Variants in SLC38A6 observed in about 807,000 individuals in gnomAD.
The protein encoded by SLC38A6 is N system amino acid transporter NAT-1.
Under a neutral mutation model 65.0 loss-of-function variants are expected in SLC38A6, and 73 were observed. The observed-to-expected ratio is 1.12, with a 90% CI of 0.93 to 1.37. SLC38A6 has a LOEUF of 1.37. Ranked by LOEUF, SLC38A6 falls within the 40% of genes most tolerant of loss-of-function variation. The pLI is 0.00. For synonymous variants in SLC38A6, 183 were observed against 178.8 expected (o/e 1.02, Z -0.19); for missense variants, 561 against 531.1 (o/e 1.06, Z -0.55).
intron 15 of SLC38A6, among the ~76,000 whole-genome samples, chr14:61,077,130 A>G (rs1049709450): frequency 1.1e-4 from 16 of 152,194 alleles, no homozygotes; most frequent in African/African-American, 3.1e-4. Context: ...TGCCACTTTC[A>G]ATATAAAAAA....
chr14:61,050,074 A>G (rs1332785370), intron 12 of SLC38A6, among the ~76,000 whole-genome samples: 2 of 152,196 alleles, frequency 1.3e-5, no homozygotes, highest in Non-Finnish European at 2.9e-5. Context: ...ACCAAAAAGA[A>G]GTAGGTGTAT....
intron 3 of SLC38A6, among the ~76,000 whole-genome samples, chr14:60,990,349 C>T (rs1353154407): frequency 6.6e-6 from 1 of 152,078 alleles, no homozygotes; most frequent in Non-Finnish European, 1.5e-5. Context: ...TTATCGGGCT[C>T]ATGGTGATTC....
At chr14:61,069,324 C>A (rs1290988440) in intron 15 of SLC38A6, among the ~76,000 whole-genome samples, 5 of 151,942 alleles carry the variant, frequency 3.3e-5, no homozygotes, top group African/African-American at 1.2e-4. Context: ...CACTACTACC[C>A]CCATTAATCC....
At chr14:61,018,438 A>G (rs2139566706) in intron 4 of SLC38A6, among the ~76,000 whole-genome samples, 1 of 152,278 alleles carries the variant, frequency 6.6e-6, no homozygotes, top group South Asian at 2.1e-4. Context: ...GCAAACCTCA[A>G]GGCTCCTAGG....
intron 3 of SLC38A6, among the ~76,000 whole-genome samples, chr14:61,012,768 C>T (rs1247186967): frequency 6.6e-6 from 1 of 152,022 alleles, no homozygotes; most frequent in Non-Finnish European, 1.5e-5. Flanking sequence ...ATCATTTCTG[C>T]TCTTTTACAT....
rs184535951 is a variant in SLC38A6 at position 61,009,773 on chromosome 14, G to C, written c.311-6131G>C. On this transcript the variant is annotated intron_variant, in intron 3 of 15. Transcript: ENST00000267488. ...ATATGTGCCACATTTTCTTAATCCA[G>C]TCTATCATTGTTGGACATTTAGGTT... 1.2e-3 allele frequency among the ~76,000 whole-genome samples: 182 copies of C among 152,250 alleles called. No individual in the cohort carries two copies. The East Asian group carries it at 0.023, about 19-fold the overall frequency.
intron 15 of SLC38A6, among the ~76,000 whole-genome samples, chr14:61,075,938 C>G (rs1022043410): frequency 6.6e-6 from 1 of 152,026 alleles, no homozygotes; most frequent in African/African-American, 2.4e-5. Context: ...TCACTGTAAC[C>G]TCCACCTCCC....
rs543464445 is a variant in SLC38A6 at position 61,051,880 on chromosome 14, G to A, written c.1144G>A (p.Val382Ile). The A allele has an allele frequency of 3.1e-6, 5 of 1,611,544 alleles. No individual in the cohort carries two copies. The highest frequency in any genetic ancestry group is 2.2e-5 in the South Asian group (2 of 90,484). ...LITLALNIII[V>I]LLAIYVPDIR... ...CACTCTAGCACTCAATATTATCATC[G>A]TTTTACTTGCAATATATGTTCCTGA... is the stretch of plus-strand genomic sequence containing the variant. Residue 382 changes from valine (V) to isoleucine (I), a missense_variant, in exon 14 of 16, where the codon GTT (valine) becomes ATT (isoleucine). Physicochemically the swap from Val to Ile is conservative, Grantham distance 29. Transcript: ENST00000267488.
chr14:61,048,587 A>C (rs753346981), intron 12 of SLC38A6, among the ~76,000 whole-genome samples: 3 of 152,206 alleles, frequency 2.0e-5, no homozygotes, highest in Non-Finnish European at 2.9e-5. Flanking sequence ...GAAAGTGGAC[A>C]TGTGACATCT....
rs544998190 is a variant in SLC38A6, at chr14:61,069,688, G to A, written c.1291-9122G>A. 3.3e-5 allele frequency among the ~76,000 whole-genome samples: 5 copies of A among 151,822 alleles called. No homozygotes were observed. The East Asian group carries it at 9.7e-4, about 29-fold the overall frequency. On this transcript the variant is annotated intron_variant, in intron 15 of 16. Transcript: ENST00000354886. ...CCCTTATTATCTGTATGATTATTTT[G>A]GTATACCATTAGTACCTTGTAAGAT...
intron 5 of SLC38A6, among the ~76,000 whole-genome samples, chr14:61,029,211 A>G (rs1189059122): frequency 1.4e-5 from 2 of 143,528 alleles, no homozygotes; most frequent in African/African-American, 5.3e-5. Flanking sequence ...GCTGAAGTGC[A>G]GTGGTGCAGT....
intron 11 of SLC38A6, among the ~76,000 whole-genome samples, 154 bp downstream of exon 11, chr14:61,045,579 T>C (rs1285176760): frequency 6.6e-6 from 1 of 152,162 alleles, no homozygotes; most frequent in African/African-American, 2.4e-5. Context: ...GTTAGTTCTG[T>C]CCAAGTTAAG....
chr14:61,012,270 C>G (rs1406096200), intron 3 of SLC38A6, among the ~76,000 whole-genome samples: 2 of 152,036 alleles, frequency 1.3e-5, no homozygotes, highest in African/African-American at 2.4e-5. Flanking sequence ...TGATTCTTCT[C>G]TCTTTTCTTC....
exon 17 of SLC38A6, chr14:61,083,595 C>T (rs1186435829): frequency 1.3e-5 from 20 of 1,549,192 alleles, no homozygotes; most frequent in Middle Eastern, 1.7e-4. Flanking sequence ...GGAAAGGCCA[C>T]GCAAGGACAC....
intron 15 of SLC38A6, among the ~76,000 whole-genome samples, chr14:61,072,434 A>G (rs1269045442): frequency 6.6e-6 from 1 of 152,172 alleles, no homozygotes; most frequent in African/African-American, 2.4e-5. Flanking sequence ...ATTATTGACT[A>G]TAGTCATCCT....
At position 61,075,990 on chromosome 14, in the gene SLC38A6, G is replaced by A. The variant is rs578026487; in HGVS notation, c.1291-2820G>A. On this transcript the variant is annotated intron_variant, in intron 15 of 16. Transcript: ENST00000354886. ...CCTGCCTCAGCCTCCCAAGTAGCTGGGATTACAGGCATGAGCCACCACACC... is the reference window on the plus strand; with the variant it reads ...CCTGCCTCAGCCTCCCAAGTAGCTGAGATTACAGGCATGAGCCACCACACC... Among the ~76,000 whole-genome samples, 32 of 152,096 alleles carry A rather than the reference G, an allele frequency of 2.1e-4. No homozygotes were observed. In the South Asian group the frequency reaches 5.0e-3, roughly 24 times the overall value.
In SLC38A6 at chr14:61,051,727, A is replaced by G. The variant is rs1016097183; in HGVS notation, c.1051-60A>G. 6 of 1,584,866 alleles carry G rather than the reference A, an allele frequency of 3.8e-6. No homozygotes were observed. The South Asian group carries it at 6.8e-5, about 18-fold the overall frequency. On this transcript the variant is annotated intron_variant, in intron 13 of 15. Transcript: ENST00000267488. ...CATGGTTGTTGTATATGTTTCTCTC[A>G]GCAAATATCTGGACTTTGACATTTC...
Position 61,019,648 on chromosome 14 carries a change from T to C in SLC38A6, c.403+68T>C, listed in dbSNP as rs1595104349. On this transcript the variant is annotated intron_variant, in intron 5 of 15. Coordinates refer to ENST00000267488, the MANE Select transcript of SLC38A6 (RefSeq NM_153811.3). Reference sequence around the variant, plus strand: ...CAATAATGTCCTTTGAATTGTTATCTTACTACAGATCTAGCTGGGAACTTC... The same window carrying C: ...CAATAATGTCCTTTGAATTGTTATCCTACTACAGATCTAGCTGGGAACTTC... The C allele has an allele frequency of 3.3e-6, 5 of 1,500,086 alleles. No homozygotes were observed. In the East Asian group the frequency reaches 6.8e-5, roughly 20 times the overall value. 92.9% of individuals were successfully genotyped at this position (1,500,086 alleles called of 1,614,324 possible). A position where few individuals can be genotyped will look rare whatever the true frequency, so the allele number is the denominator to read the frequency against.
rs1566714676 is a variant in SLC38A6 at position 61,052,329 on chromosome 14, C to G, written c.1291-20C>G. On this transcript the variant is annotated intron_variant, in intron 15 of 15. Transcript: ENST00000267488. ...TTCTTTTATCTTTCTTATCTTTTAT[C>G]TTTTTTCTTATTTCCACAGGCATTC... 2.6e-6 allele frequency: 4 copies of G among 1,545,850 alleles called. No individual in the cohort carries two copies. Among genetic ancestry groups the G allele is most frequent in the Non-Finnish European group, 3.5e-6 (4 of 1,146,480 alleles).
Sources: gnomAD v4.1 joint callset for allele counts (sites outside exome capture counted in the v4.1 genomes callset) on GRCh38, gnomAD v4.1.1 for gene constraint, MANE v1.5 for transcripts, NCBI Gene and HGNC (gene_info 2026-07-23, HGNC 2026-07-21) for gene names.